SNX29: variants seen among roughly 807,000 people sequenced by gnomAD.
SNX29 encodes sorting nexin 29.
A neutral mutation model predicts 102.1 loss-of-function variants in SNX29; 78 were observed. That is an observed-to-expected ratio of 0.76 (90% CI 0.64 to 0.92). The LOEUF (loss-of-function observed/expected upper bound fraction) is 0.92, where lower values mean the gene tolerates loss of function less well. SNX29 is among the 40% of genes least tolerant of loss of function. The probability of loss-of-function intolerance (pLI) is 0.00; values close to 1 mark genes in which losing one functional copy is unlikely to be tolerated. For missense variants in SNX29, 1,280 were observed against 1,061.7 expected (o/e 1.21, Z -2.86); for synonymous variants, 580 against 414.5 (o/e 1.40, Z -4.85).
chr16:12,454,368 C>T (rs1390609171), intron 18 of SNX29, among the ~76,000 whole-genome samples: 1 of 152,126 alleles, frequency 6.6e-6, no homozygotes, highest in Non-Finnish European at 1.5e-5. Context: ...AAAAGAAGCC[C>T]CAAGTGATTA....
At chr16:12,080,195 G>A (rs2051795097) in intron 11 of SNX29, among the ~76,000 whole-genome samples, 1 of 152,116 alleles carries the variant, frequency 6.6e-6, no homozygotes, top group African/African-American at 2.4e-5. Flanking sequence ...CCCCTTGGCT[G>A]CAGAGGGGGC....
intron 18 of SNX29, among the ~76,000 whole-genome samples, chr16:12,459,543 C>A (rs1453346615): frequency 6.6e-6 from 1 of 152,174 alleles, no homozygotes; most frequent in African/African-American, 2.4e-5. Flanking sequence ...ACTGTTCGCA[C>A]GGAGGCTTCC....
intron 18 of SNX29, among the ~76,000 whole-genome samples, chr16:12,423,309 C>G (rs1432700789): frequency 6.6e-6 from 1 of 152,134 alleles, no homozygotes; most frequent in Non-Finnish European, 1.5e-5. Context: ...GAACAGCTGC[C>G]TGATGGCTCA....
chr16:12,479,415 G>A (rs2087804358), intron 19 of SNX29, among the ~76,000 whole-genome samples: 1 of 152,194 alleles, frequency 6.6e-6, no homozygotes, highest in African/African-American at 2.4e-5. Context: ...ATTTACATGT[G>A]TGTAGATTTC....
At chr16:12,511,646 T>G (rs538911442) in intron 19 of SNX29, among the ~76,000 whole-genome samples, 41 of 152,336 alleles carry the variant, frequency 2.7e-4, no homozygotes, top group Non-Finnish European at 4.9e-4. Context: ...GATCAGGTTT[T>G]ATTTTCTGTT....
intron 15 of SNX29, among the ~76,000 whole-genome samples, chr16:12,317,941 G>A (rs1045784922): frequency 1.3e-5 from 2 of 152,336 alleles, no homozygotes; most frequent in Non-Finnish European, 1.5e-5. Context: ...CATTTCTACC[G>A]GCCTGGGGGA....
intron 15 of SNX29, among the ~76,000 whole-genome samples, chr16:12,347,820 A>G (rs1056936289): frequency 2.6e-4 from 39 of 151,888 alleles, no homozygotes; most frequent in Non-Finnish European, 2.2e-4. Flanking sequence ...GGTCATGCCT[A>G]TAATCGTAGC....
At chr16:12,464,870 T>C (rs1219171771) in intron 18 of SNX29, among the ~76,000 whole-genome samples, 1 of 152,202 alleles carries the variant, frequency 6.6e-6, no homozygotes, top group Non-Finnish European at 1.5e-5. Context: ...TTCCTGCCAA[T>C]AGCGTACAAG....
chr16:12,335,062 A>G (rs927983006), intron 15 of SNX29, among the ~76,000 whole-genome samples: 3 of 151,826 alleles, frequency 2.0e-5, no homozygotes, highest in African/African-American at 4.8e-5. Flanking sequence ...TCGCTTCACT[A>G]CCGTTCCTGT....
At chr16:12,216,566 G>A (rs1160104196) in intron 14 of SNX29, among the ~76,000 whole-genome samples, 2 of 152,184 alleles carry the variant, frequency 1.3e-5, no homozygotes, top group Non-Finnish European at 2.9e-5. Context: ...TCTTCCTAAG[G>A]AAGGTGAGAC....
chr16:12,014,027 C>T (rs1489596676), intron 3 of SNX29, among the ~76,000 whole-genome samples: 4 of 151,990 alleles, frequency 2.6e-5, no homozygotes. Context: ...GAACTCCTGG[C>T]CTCAAGTGAT....
At chr16:12,020,209 G>T (rs146934730) in intron 3 of SNX29, among the ~76,000 whole-genome samples, 1 of 151,092 alleles carries the variant, frequency 6.6e-6, no homozygotes, top group African/African-American at 2.4e-5. Flanking sequence ...TGTAGCCTCC[G>T]CTTCCTGGGC....
chr16:12,509,349 C>T (rs888442873), intron 19 of SNX29, among the ~76,000 whole-genome samples: 4 of 152,164 alleles, frequency 2.6e-5, no homozygotes, highest in Non-Finnish European at 4.4e-5. Flanking sequence ...CCACACCACC[C>T]AAGCAGTTGC....
At chr16:12,158,717 T>C (rs1398558700) in intron 13 of SNX29, among the ~76,000 whole-genome samples, 1 of 152,176 alleles carries the variant, frequency 6.6e-6, no homozygotes, top group Non-Finnish European at 1.5e-5. Flanking sequence ...AGACTCGGGG[T>C]AGCCCGAGTG....
intron 11 of SNX29, chr16:12,093,627 C>T (rs2052651205): frequency 6.6e-6 from 1 of 152,082 alleles, no homozygotes; most frequent in Admixed American, 6.6e-5. Context: ...TCTATGTGAC[C>T]CCGGGCAAAT....
intron 19 of SNX29, among the ~76,000 whole-genome samples, chr16:12,481,998 C>T (rs1433832112): frequency 6.6e-6 from 1 of 152,226 alleles, no homozygotes; most frequent in African/African-American, 2.4e-5. Context: ...GAACCTTCAA[C>T]ACCCAACAGG....
chr16:12,503,677 T>G (rs1463435248), intron 19 of SNX29, among the ~76,000 whole-genome samples: 3 of 152,152 alleles, frequency 2.0e-5, no homozygotes, highest in Non-Finnish European at 4.4e-5. Flanking sequence ...CTTCCTTCTT[T>G]CCCTCCTTCC....
chr16:12,501,935 G>A (rs1022930044), intron 19 of SNX29, among the ~76,000 whole-genome samples: 5 of 152,258 alleles, frequency 3.3e-5, no homozygotes, highest in South Asian at 2.1e-4. Flanking sequence ...AACAGGCAGA[G>A]TGGATACCAG....
chr16:12,350,882 A>G (rs2081974659), intron 15 of SNX29, among the ~76,000 whole-genome samples: 1 of 152,178 alleles, frequency 6.6e-6, no homozygotes, highest in Non-Finnish European at 1.5e-5. Context: ...AAGCCCTCCC[A>G]GTGACTAGTG....
Sources: gnomAD v4.1 joint callset for allele counts (sites outside exome capture counted in the v4.1 genomes callset) on GRCh38, gnomAD v4.1.1 for gene constraint, MANE v1.5 for transcripts, NCBI Gene and HGNC (gene_info 2026-07-23, HGNC 2026-07-21) for gene names.